Variants in PPP5C observed in about 807,000 individuals in gnomAD.
The protein encoded by PPP5C is serine/threonine-protein phosphatase 5.
PPP5C carries 21 observed loss-of-function variants against 66.7 expected under a neutral mutation model. The observed-to-expected ratio is 0.31, with a 90% CI of 0.22 to 0.45. The LOEUF is 0.45. Ranked by LOEUF, PPP5C falls within the 20% of genes least tolerant of loss-of-function variation. The pLI is 1.00. For synonymous variants in PPP5C, 246 were observed against 257.4 expected (o/e 0.96, Z 0.43); for missense variants, 464 against 675.9 (o/e 0.69, Z 3.48).
chr19:46,365,480 G>T (rs1252275848), intron 2 of PPP5C, among the ~76,000 whole-genome samples: 1 of 152,194 alleles, frequency 6.6e-6, no homozygotes, highest in Non-Finnish European at 1.5e-5. Context: ...TTGCGTCGAG[G>T]TGTGCCGCTT....
chr19:46,372,107 G>GT (rs1364934693), intron 2 of PPP5C, among the ~76,000 whole-genome samples: 1 of 152,184 alleles, frequency 6.6e-6, no homozygotes, highest in Non-Finnish European at 1.5e-5. Flanking sequence ...AAATGGCCGT[G>GT]TATGTGCTTG....
chr19:46,375,479 C>A, intron 2 of PPP5C, 125 bp from the exon 3 acceptor site: 1 of 1,401,420 alleles, frequency 7.1e-7, no homozygotes, highest in Non-Finnish European at 9.6e-7. Flanking sequence ...AGGGTTGCAC[C>A]ATCAGCACCT....
At position 46,365,419 on chromosome 19, in the gene PPP5C, C is replaced by CTATAATTT. The variant is rs1337307698; in HGVS notation, c.364-10182_364-10175dup. On this transcript the variant is annotated intron_variant, in intron 2 of 12. Transcript: ENST00000012443. The stretch of plus-strand genomic sequence containing the variant: ...AGGCGTGAGCCACACACCCAGCCTC[C>CTATAATTT]TATAATTTTAGAATTTCCTTCTCAA... Among the ~76,000 whole-genome samples, 192 of 152,286 alleles carry CTATAATTT rather than the reference C, an allele frequency of 1.3e-3. 3 individuals carry two copies. Among genetic ancestry groups the CTATAATTT allele is most frequent in the Non-Finnish European group, 5.0e-4 (34 of 68,014 alleles).
chr19:46,371,389 G>A (rs549804906), intron 2 of PPP5C, among the ~76,000 whole-genome samples: 28 of 152,284 alleles, frequency 1.8e-4, no homozygotes, highest in African/African-American at 2.6e-4. Context: ...TTCATCCAGC[G>A]CTCGCCAGGG....
chr19:46,376,404 C>T lies in PPP5C; in HGVS notation c.512-49C>T. On this transcript the variant is annotated intron_variant, in intron 3 of 12. Transcript: ENST00000012443. This position sits in a 1 kb window ranked among gnomAD's most constrained non-coding sequence, Gnocchi z 5.1. Reference sequence around the variant, plus strand: ...CTGGGAGCGAGACCCCCTTCTCCCTCATAGTGGCTGTGGTCACTGACTCTC... The same window carrying T: ...CTGGGAGCGAGACCCCCTTCTCCCTTATAGTGGCTGTGGTCACTGACTCTC... 6.2e-7 allele frequency: 1 copy of T among 1,603,270 alleles called. No individual in the cohort carries two copies. Among genetic ancestry groups the T allele is most frequent in the Non-Finnish European group, 8.5e-7 (1 of 1,173,450 alleles).
intron 2 of PPP5C, among the ~76,000 whole-genome samples, chr19:46,369,978 C>T (rs1972559981): frequency 1.3e-5 from 2 of 151,088 alleles, no homozygotes; most frequent in Non-Finnish European, 2.9e-5. Context: ...GGGCACTTAC[C>T]ATGAATAGAG....
At chr19:46,385,313 TTCAGGCTTGGTG>T (rs1349076766) in intron 7 of PPP5C, among the ~76,000 whole-genome samples, 2 of 152,102 alleles carry the variant, frequency 1.3e-5, no homozygotes, top group African/African-American at 4.8e-5. Context: ...CCCCCTCAGA[TTCAGGCTTGGTG>T]TCAGATTTGG....
rs376307768 is a variant in PPP5C at position 46,390,321 on chromosome 19, C to T, written c.1475C>T (p.Thr492Met). ...GTCAAGCCCATGGCCTATGCCAACA[C>T]GCTGCTGCAGCTAGGAATGATGTGA... is the stretch of plus-strand genomic sequence containing the variant. Reference protein sequence around the residue: ...PNVKPMAYANTLLQLGMM With the variant: ...PNVKPMAYANMLLQLGMM The change falls in exon 13 of 13, where the codon ACG (threonine) becomes ATG (methionine). Residue 492 changes from threonine to methionine, a missense_variant. Physicochemically the swap from Thr to Met is moderately conservative, Grantham distance 81. Around this residue, in one of 2 missense-constraint regions of PPP5C, gnomAD observed 387 missense variants for 626.0 expected, o/e 0.62. Coordinates refer to ENST00000012443, the MANE Select transcript of PPP5C (RefSeq NM_006247.4). 60 of 1,584,548 alleles carry T rather than the reference C, an allele frequency of 3.8e-5. No individual in the cohort carries two copies. Among genetic ancestry groups the T allele is most frequent in the South Asian group, 5.7e-5 (5 of 87,110 alleles).
In PPP5C at chr19:46,388,766, C is replaced by T. The variant is rs1447351790; in HGVS notation, c.1355+35C>T. 3 of 1,594,206 alleles carry T rather than the reference C, an allele frequency of 1.9e-6. No homozygotes were observed. Among genetic ancestry groups the T allele is most frequent in the Non-Finnish European group, 1.7e-6 (2 of 1,168,032 alleles). On this transcript the variant is annotated intron_variant, in intron 11 of 12. Coordinates refer to ENST00000012443, the MANE Select transcript of PPP5C (RefSeq NM_006247.4). This position sits in a 1 kb window ranked among gnomAD's most constrained non-coding sequence, Gnocchi z 4.9. ...TGCCTTTCCAGCCCAGGGCCTCTAC[C>T]AAGCCACGGGTTTTTGTCTTGGTTT...
chr19:46,389,837 C>T (rs1972979955), intron 11 of PPP5C, among the ~76,000 whole-genome samples: 2 of 151,682 alleles, frequency 1.3e-5, no homozygotes, highest in South Asian at 4.2e-4. Flanking sequence ...GCTTCCTGCA[C>T]TCCCACCCTC....
At chr19:46,370,789 G>A (rs1972576750) in intron 2 of PPP5C, among the ~76,000 whole-genome samples, 1 of 151,950 alleles carries the variant, frequency 6.6e-6, no homozygotes, top group African/African-American at 2.4e-5. Flanking sequence ...CGCCCATGCT[G>A]GAGTGCAGTG....
Position 46,383,172 on chromosome 19 carries a change from A to T in PPP5C, c.634-239A>T. On this transcript the variant is annotated intron_variant, in intron 4 of 12. Transcript: ENST00000012443. The surrounding 1 kb of genome is among the most constrained non-coding windows in gnomAD (Gnocchi z 5.0). ...GCTGAGTATTTTAAGATAATTCAAG[A>T]ATCAGGTTTTCGTACAAAACAATCG... 1.4e-6 allele frequency: 2 copies of T among 1,480,208 alleles called. No individual in the cohort carries two copies. The highest frequency in any genetic ancestry group is 1.8e-6 in the Non-Finnish European group (2 of 1,112,352). 91.7% of individuals were successfully genotyped at this position (1,480,208 alleles called of 1,614,324 possible).
rs1972940329 is a variant in PPP5C, at chr19:46,388,876, C to G, written c.1355+145C>G. On this transcript the variant is annotated intron_variant, in intron 11 of 12. Transcript: ENST00000012443. The surrounding 1 kb of genome is among the most constrained non-coding windows in gnomAD (Gnocchi z 4.9). ...TGACGAACACCCCCGTATGTGTCAC[C>G]CACCCATGCAGCACCAGTGGGGCCA... is the stretch of plus-strand genomic sequence containing the variant. 1.9e-6 allele frequency: 2 copies of G among 1,036,964 alleles called. No individual in the cohort carries two copies. The highest frequency in any genetic ancestry group is 3.3e-5 in the South Asian group (2 of 61,372). The allele number at this position is 1,036,964 out of a possible 1,614,324, so 64.2% of individuals were successfully genotyped here.
intron 2 of PPP5C, among the ~76,000 whole-genome samples, chr19:46,365,388 G>C (rs1400627966): frequency 6.6e-6 from 1 of 152,132 alleles, no homozygotes; most frequent in Non-Finnish European, 1.5e-5. Context: ...AAAGTGCTGG[G>C]ATTACAGGCG....
intron 7 of PPP5C, 50 bp from the exon 8 acceptor site, chr19:46,387,043 A>C (rs750987328): frequency 9.3e-6 from 15 of 1,613,584 alleles, no homozygotes; most frequent in Non-Finnish European, 1.2e-5. Flanking sequence ...GCTGGAGGAC[A>C]CTGATGTACC....
chr19:46,387,194 G>A lies in PPP5C; in HGVS notation c.1006G>A (p.Glu336Lys). Residue 336 changes from glutamate to lysine, a missense_variant, in exon 8 of 13, where the codon GAG becomes AAG. Physicochemically the swap from Glu to Lys is moderately conservative, Grantham distance 56. Transcript: ENST00000012443. ...GTACGAGCTCTTTAGCGAGGTGTTC[G>A]AGTGGCTCCCGTTGGCCCAGTGCAT... is the stretch of plus-strand genomic sequence containing the variant. The part of the protein sequence containing the change: ...QMYELFSEVF[E>K]WLPLAQCING... The A allele has an allele frequency of 1.9e-6, 3 of 1,614,250 alleles. No individual in the cohort carries two copies. Among genetic ancestry groups the A allele is most frequent in the Non-Finnish European group, 2.5e-6 (3 of 1,180,046 alleles).
intron 2 of PPP5C, among the ~76,000 whole-genome samples, chr19:46,372,800 C>G (rs1192651659): frequency 6.6e-6 from 1 of 152,212 alleles, no homozygotes; most frequent in Non-Finnish European, 1.5e-5. Context: ...GACCTTGATA[C>G]AATCCAACTG....
In PPP5C at chr19:46,385,820, C is replaced by T. The variant is rs182496915; in HGVS notation, c.904+911C>T. Among the ~76,000 whole-genome samples the T allele has an allele frequency of 3.0e-4, 46 of 151,364 alleles. 1 individual carries two copies. The highest frequency in any genetic ancestry group is 1.4e-3 in the Admixed American group (22 of 15,210). On this transcript the variant is annotated intron_variant, in intron 7 of 12. Coordinates refer to ENST00000012443, the MANE Select transcript of PPP5C (RefSeq NM_006247.4). ...GCCAGGCATGGTGGCACCGTGCACCCGTAGTCCCAGCTTCTTGGGTGGCCA... is the reference window on the plus strand; with the variant it reads ...GCCAGGCATGGTGGCACCGTGCACCTGTAGTCCCAGCTTCTTGGGTGGCCA...
intron 2 of PPP5C, 54 bp from the exon 3 acceptor site, chr19:46,375,537 CAGCCTGGGGGCAA>C (rs1972677110): frequency 6.3e-7 from 1 of 1,581,374 alleles, no homozygotes; most frequent in Non-Finnish European, 8.6e-7. Flanking sequence ...CAGGGCTGGG[CAGCCTGGGGGCAA>C]CCGCTGTGCC....
Sources: allele counts gnomAD v4.1 joint callset (sites outside exome capture counted in the v4.1 genomes callset), GRCh38; gene constraint gnomAD v4.1.1; regional missense constraint gnomAD v4.1.1; non-coding constraint Gnocchi (gnomAD v3.1); transcripts MANE v1.5; gene names NCBI Gene and HGNC (gene_info 2026-07-23, HGNC 2026-07-21).